Variants in GALNT11 observed in about 807,000 individuals in gnomAD.
The protein encoded by GALNT11 is UDP-GalNAc:polypeptide N-acetylgalactosaminyltransferase 11.
In GALNT11, 47 loss-of-function variants were observed where a neutral mutation model predicts 72.7. The ratio of observed to expected loss-of-function variants is 0.65; its 90% confidence interval spans 0.51 to 0.82. GALNT11 has a LOEUF of 0.82. Among genes scored for constraint, GALNT11 ranks in the 40% least tolerant of loss-of-function variants. The pLI is 0.00. For synonymous variants in GALNT11, 270 were observed against 286.6 expected, an observed-to-expected ratio of 0.94 and a Z score of 0.58; for missense variants, 677 against 778.4, an observed-to-expected ratio of 0.87 and a Z score of 1.55.
At chr7:152,067,585 GTT>G (rs2084383153) in intron 1 of GALNT11, among the ~76,000 whole-genome samples, 1 of 152,100 alleles carries the variant, frequency 6.6e-6, no homozygotes, top group South Asian at 2.1e-4. Flanking sequence ...CGACATTGTA[GTT>G]TTTGTTTGTT....
At chr7:152,048,035 A>G (rs1369460701) in intron 1 of GALNT11, among the ~76,000 whole-genome samples, 2 of 151,940 alleles carry the variant, frequency 1.3e-5, no homozygotes, top group Non-Finnish European at 2.9e-5. Flanking sequence ...ATTGTGCATT[A>G]ATGTCCTTTT....
intron 1 of GALNT11, among the ~76,000 whole-genome samples, chr7:152,055,568 T>TAC: frequency 7.5e-6 from 1 of 133,214 alleles, no homozygotes; most frequent in East Asian, 2.4e-4. Context: ...TGTGTGTGTG[T>TAC]ATATATACAT....
At chr7:152,047,940 C>T (rs972958999) in intron 1 of GALNT11, among the ~76,000 whole-genome samples, 1 of 151,962 alleles carries the variant, frequency 6.6e-6, no homozygotes, top group Middle Eastern at 3.2e-3. Context: ...ATGGCTCACA[C>T]ACCACAATGA....
Position 152,117,305 on chromosome 7 carries a change from A to G in GALNT11, c.1382A>G (p.His461Arg). ...CCAGAGATGCAGATATCTGGGTCCC[A>G]CGCCAAACCCCAACAACCCATTTTT... ...VYPEMQISGSHAKPQQPIFVN... is the reference protein window; with the variant it reads ...VYPEMQISGSRAKPQQPIFVN... The change falls in exon 9 of 12, where the codon CAC becomes CGC. Residue 461 changes from histidine to arginine, a missense_variant. Transcript: ENST00000430044. 2 of 1,614,214 alleles carry G rather than the reference A, an allele frequency of 1.2e-6. No homozygotes were observed. The highest frequency in any genetic ancestry group is 1.3e-5 in the African/African-American group (1 of 75,048).
At chr7:152,058,639 T>TAA (rs1024142194) in intron 1 of GALNT11, among the ~76,000 whole-genome samples, 2 of 152,164 alleles carry the variant, frequency 1.3e-5, no homozygotes, top group African/African-American at 4.8e-5. Context: ...CCTGGCCAAG[T>TAA]TCTTAAAATA....
intron 1 of GALNT11, among the ~76,000 whole-genome samples, chr7:152,085,925 G>T (rs1019497260): frequency 4.7e-5 from 7 of 150,422 alleles, no homozygotes; most frequent in African/African-American, 1.7e-4. Context: ...GTCTCGCTCT[G>T]TTGCCAGGCT....
intron 6 of GALNT11, among the ~76,000 whole-genome samples, chr7:152,108,919 T>C (rs772416980): frequency 3.9e-5 from 6 of 152,254 alleles, no homozygotes; most frequent in Non-Finnish European, 8.8e-5. Flanking sequence ...AAATTGGTAC[T>C]TTCTCCAAAC....
chr7:152,047,978 G>A (rs1275059433), intron 1 of GALNT11, among the ~76,000 whole-genome samples: 1 of 151,872 alleles, frequency 6.6e-6, no homozygotes, highest in Non-Finnish European at 1.5e-5. Flanking sequence ...GTGTTTTTCT[G>A]TGTACTTGCT....
chr7:152,113,675 TG>T (rs2088487157), intron 8 of GALNT11, among the ~76,000 whole-genome samples: 1 of 150,586 alleles, frequency 6.6e-6, no homozygotes. Flanking sequence ...TTATTCCGTC[TG>T]GTCTCTCTAT....
intron 4 of GALNT11, among the ~76,000 whole-genome samples, 183 bp from the exon 5 acceptor site, chr7:152,105,062 C>G (rs2087384493): frequency 6.6e-6 from 1 of 152,168 alleles, no homozygotes; most frequent in African/African-American, 2.4e-5. Context: ...AGCTCTTACC[C>G]TTCATTTCTT....
At chr7:152,042,641 C>T (rs2082921827) in intron 1 of GALNT11, among the ~76,000 whole-genome samples, 1 of 152,142 alleles carries the variant, frequency 6.6e-6, no homozygotes. Context: ...CAAATTTTTT[C>T]CTGTTCCCAT....
chr7:152,093,672 G>A (rs536730704), intron 1 of GALNT11, among the ~76,000 whole-genome samples: 4 of 151,942 alleles, frequency 2.6e-5, no homozygotes, highest in African/African-American at 4.8e-5. Context: ...CAAATGATCC[G>A]CCCACCTCAG....
At chr7:152,114,971 A>T (rs541274907) in intron 8 of GALNT11, among the ~76,000 whole-genome samples, 1 of 152,300 alleles carries the variant, frequency 6.6e-6, no homozygotes, top group Non-Finnish European at 1.5e-5. Flanking sequence ...GTCAACAGAG[A>T]CATGTAGCTT....
At chr7:152,116,712 A>T (rs1388226207) in intron 8 of GALNT11, among the ~76,000 whole-genome samples, 1 of 152,246 alleles carries the variant, frequency 6.6e-6, no homozygotes, top group Non-Finnish European at 1.5e-5. Flanking sequence ...ACACTGCAAC[A>T]GGCTAAATGC....
In GALNT11 at chr7:152,035,510, CTTG is replaced by C. The variant is rs372523595; in HGVS notation, c.-39+9631_-39+9633del. Among the ~76,000 whole-genome samples the C allele has an allele frequency of 5.3e-3, 801 of 152,308 alleles. 7 individuals carry two copies. The highest frequency in any genetic ancestry group is 0.019 in the African/African-American group (770 of 41,566). ...TGCTCATGGCCACAGGGTCAACCAACTTGTTGTCAGGACCCCGGAGCTGAATGG... is the reference window on the plus strand; with the variant it reads ...TGCTCATGGCCACAGGGTCAACCAACTTGTCAGGACCCCGGAGCTGAATGG... On this transcript the variant is annotated intron_variant, in intron 1 of 11. Coordinates refer to ENST00000430044, the MANE Select transcript of GALNT11 (RefSeq NM_022087.4).
intron 9 of GALNT11, 67 bp from the exon 10 acceptor site, chr7:152,118,611 C>G: frequency 7.0e-7 from 1 of 1,422,876 alleles, no homozygotes. Flanking sequence ...TGCCTGGAAC[C>G]ACCTCCAGGC....
At chr7:152,089,372 G>T (rs956877389) in intron 1 of GALNT11, among the ~76,000 whole-genome samples, 3 of 152,204 alleles carry the variant, frequency 2.0e-5, no homozygotes, top group African/African-American at 7.2e-5. Context: ...AATTCTCTCA[G>T]CAAGGCAATC....
At chr7:152,096,334 A>C (rs908860222) in intron 2 of GALNT11, among the ~76,000 whole-genome samples, 2 of 152,210 alleles carry the variant, frequency 1.3e-5, no homozygotes, top group African/African-American at 4.8e-5. Context: ...AAAAAGAACA[A>C]AGTTGTAAGA....
rs1052836780 is a variant in GALNT11 at position 152,090,129 on chromosome 7, A to C, written c.-38-4061A>C. Among the ~76,000 whole-genome samples, 16 of 152,294 alleles carry C rather than the reference A, an allele frequency of 1.1e-4. No homozygotes were observed. In the East Asian group the frequency reaches 2.7e-3, roughly 26 times the overall value. ...AGGGGCTGTTATCATCCTTGCTCCTAAGTTAAACTGGAAACCACATTTCTC... is the reference window on the plus strand; with the variant it reads ...AGGGGCTGTTATCATCCTTGCTCCTCAGTTAAACTGGAAACCACATTTCTC... On this transcript the variant is annotated intron_variant, in intron 1 of 11. Transcript: ENST00000430044.
Sources: allele counts gnomAD v4.1 joint callset (sites outside exome capture counted in the v4.1 genomes callset), GRCh38; gene constraint gnomAD v4.1.1; transcripts MANE v1.5; gene names NCBI Gene and HGNC (gene_info 2026-07-23, HGNC 2026-07-21).